The following NCKAP5 variants were observed in gnomAD, a reference collection of about 807,000 sequenced individuals.
NCKAP5 encodes nck-associated protein 5.
NCKAP5 carries 92 observed loss-of-function variants against 167.0 expected under a neutral mutation model. The observed-to-expected ratio is 0.55, with a 90% CI of 0.47 to 0.66. The LOEUF (loss-of-function observed/expected upper bound fraction) is 0.66. Among genes scored for constraint, NCKAP5 ranks in the 30% least tolerant of loss-of-function variants. The pLI is 0.00. For synonymous variants in NCKAP5, 891 were observed against 877.4 expected, an observed-to-expected ratio of 1.02 and a Z score of -0.27; for missense variants, 2,378 against 2,315.0, an observed-to-expected ratio of 1.03 and a Z score of -0.56.
intron 11 of NCKAP5, among the ~76,000 whole-genome samples, chr2:132,818,257 C>T (rs954032871): frequency 6.6e-6 from 1 of 152,242 alleles, no homozygotes; most frequent in African/African-American, 2.4e-5. Context: ...ACACCATACC[C>T]AGCCCTAATG....
At chr2:132,896,526 T>A (rs1693224014) in intron 8 of NCKAP5, among the ~76,000 whole-genome samples, 1 of 152,186 alleles carries the variant, frequency 6.6e-6, no homozygotes, top group African/African-American at 2.4e-5. Flanking sequence ...TGAAATGTAG[T>A]TTCTTATCGA....
At chr2:133,166,838 G>A (rs1326112542) in intron 5 of NCKAP5, among the ~76,000 whole-genome samples, 2 of 152,136 alleles carry the variant, frequency 1.3e-5, no homozygotes, top group Non-Finnish European at 2.9e-5. Flanking sequence ...TCTTGAGCTT[G>A]TGATTTAAAG....
chr2:132,730,787 T>C (rs1189774503), intron 17 of NCKAP5, among the ~76,000 whole-genome samples: 2 of 152,210 alleles, frequency 1.3e-5, no homozygotes, highest in Admixed American at 6.5e-5. Context: ...ATCTCAAAAA[T>C]AATATGCATT....
the NCKAP5 span, among the ~76,000 whole-genome samples, chr2:133,643,556 C>T: frequency 6.6e-6 from 1 of 152,194 alleles, no homozygotes; most frequent in Non-Finnish European, 1.5e-5. Flanking sequence ...AATATACCCC[C>T]ATTGCCAATG....
intron 3 of NCKAP5, among the ~76,000 whole-genome samples, chr2:133,440,081 T>C (rs1358906856): frequency 6.6e-6 from 1 of 152,182 alleles, no homozygotes; most frequent in Admixed American, 6.5e-5. Context: ...ACTGCTTCAC[T>C]GGTGACTGTG....
At chr2:133,601,532 C>A in the NCKAP5 span, among the ~76,000 whole-genome samples, 1 of 152,080 alleles carries the variant, frequency 6.6e-6, no homozygotes, top group African/African-American at 2.4e-5. Context: ...GAGTTTAAGA[C>A]CAGCCTGGCC....
chr2:132,939,442 C>G (rs1373139545), intron 8 of NCKAP5, among the ~76,000 whole-genome samples: 1 of 152,204 alleles, frequency 6.6e-6, no homozygotes, highest in East Asian at 1.9e-4. Flanking sequence ...TTTCTGGCCC[C>G]TCTCTGCATT....
intron 10 of NCKAP5, among the ~76,000 whole-genome samples, chr2:132,864,946 T>C (rs560049744): frequency 6.6e-6 from 1 of 152,256 alleles, no homozygotes; most frequent in African/African-American, 2.4e-5. Flanking sequence ...CTGCACAAAA[T>C]TGGGCTTCTG....
intron 8 of NCKAP5, among the ~76,000 whole-genome samples, chr2:132,881,595 T>A (rs1691762577): frequency 6.7e-6 from 1 of 149,418 alleles, no homozygotes; most frequent in Non-Finnish European, 1.5e-5. Context: ...AGGCCAGTTA[T>A]GTTGTTGAAC....
At chr2:133,094,032 C>T (rs988444335) in intron 6 of NCKAP5, among the ~76,000 whole-genome samples, 1 of 152,190 alleles carries the variant, frequency 6.6e-6, no homozygotes, top group Admixed American at 6.5e-5. Context: ...CCAAGTCATA[C>T]AGGAATGGGT....
chr2:133,245,785 G>A (rs1476909941), intron 4 of NCKAP5, among the ~76,000 whole-genome samples: 1 of 151,584 alleles, frequency 6.6e-6, no homozygotes, highest in African/African-American at 2.4e-5. Context: ...TCCTATGCTT[G>A]TGGCCAATAT....
chr2:133,470,885 G>A (rs13390461), intron 3 of NCKAP5, among the ~76,000 whole-genome samples: 25 of 152,058 alleles, frequency 1.6e-4, no homozygotes, highest in African/African-American at 4.6e-4. Flanking sequence ...CATGGTGCGC[G>A]CACCCACTGA....
At chr2:133,024,672 A>G (rs2078636119) in intron 6 of NCKAP5, among the ~76,000 whole-genome samples, 1 of 152,244 alleles carries the variant, frequency 6.6e-6, no homozygotes, top group African/African-American at 2.4e-5. Flanking sequence ...TAATCATTCT[A>G]TCATTATATG....
intron 19 of NCKAP5, among the ~76,000 whole-genome samples, chr2:132,675,910 A>G (rs935468987): frequency 6.6e-6 from 1 of 152,152 alleles, no homozygotes; most frequent in Non-Finnish European, 1.5e-5. Flanking sequence ...AGTTTTGATG[A>G]AAAGTGACTG....
At chr2:133,317,830 C>T (rs1559378955) in intron 3 of NCKAP5, among the ~76,000 whole-genome samples, 1 of 152,228 alleles carries the variant, frequency 6.6e-6, no homozygotes, top group Non-Finnish European at 1.5e-5. Flanking sequence ...CAGGACCCAT[C>T]TGGCTGGCAA....
chr2:133,608,582 C>T, the NCKAP5 span, among the ~76,000 whole-genome samples: 1 of 152,270 alleles, frequency 6.6e-6, no homozygotes, highest in Admixed American at 6.5e-5. Flanking sequence ...CTGGATGAAC[C>T]TTATCCTTCT....
intron 11 of NCKAP5, among the ~76,000 whole-genome samples, chr2:132,823,438 A>C (rs1686905744): frequency 6.6e-6 from 1 of 152,224 alleles, no homozygotes. Flanking sequence ...AGGAATGTGT[A>C]TTCAGTGAAA....
chr2:133,086,672 C>T (rs2081003382), intron 6 of NCKAP5, among the ~76,000 whole-genome samples: 1 of 151,984 alleles, frequency 6.6e-6, no homozygotes, highest in Non-Finnish European at 1.5e-5. Context: ...AATTTCTGAT[C>T]CATTAACATT....
At chr2:132,936,480 G>A (rs754212520) in intron 8 of NCKAP5, among the ~76,000 whole-genome samples, 17 of 152,122 alleles carry the variant, frequency 1.1e-4, no homozygotes, top group Non-Finnish European at 2.5e-4. Flanking sequence ...CCATAATAAA[G>A]GTTCCTCACT....
Sources: gnomAD v4.1 joint callset for allele counts (sites outside exome capture counted in the v4.1 genomes callset) on GRCh38, gnomAD v4.1.1 for gene constraint, MANE v1.5 for transcripts, NCBI Gene and HGNC (gene_info 2026-07-23, HGNC 2026-07-21) for gene names.